GABRG3: variants seen among roughly 807,000 people sequenced by gnomAD.
GABRG3 encodes gamma-aminobutyric acid receptor subunit gamma-3.
In GABRG3, 25 loss-of-function variants were observed where a neutral mutation model predicts 48.8. The ratio of observed to expected loss-of-function variants is 0.51; its 90% CI spans 0.37 to 0.72. The LOEUF is 0.72. Among genes scored for constraint, GABRG3 ranks in the 30% least tolerant of loss-of-function variants. The probability of loss-of-function intolerance (pLI) is 0.00; values close to 1 mark genes in which losing one functional copy is unlikely to be tolerated. For missense variants in GABRG3, 394 were observed against 577.9 expected, an observed-to-expected ratio of 0.68 and a Z score of 3.26; for synonymous variants, 227 against 217.6, an observed-to-expected ratio of 1.04 and a Z score of -0.38.
At position 27,384,583 on chromosome 15, in the gene GABRG3, A is replaced by G. The variant is rs78389170; in HGVS notation, c.574+55695A>G. 6.1e-3 allele frequency among the ~76,000 whole-genome samples: 928 copies of G among 152,326 alleles called. 17 individuals carry two copies. The highest frequency in any genetic ancestry group is 0.021 in the African/African-American group (862 of 41,578). On this transcript the variant is annotated intron_variant, in intron 5 of 9. Coordinates refer to ENST00000615808, the MANE Select transcript of GABRG3 (RefSeq NM_033223.5). ...AATTCATGTTCTAGATAAATTATGAATATTAGAGAATCATGAAATTGCCCT... is the reference window on the plus strand; with the variant it reads ...AATTCATGTTCTAGATAAATTATGAGTATTAGAGAATCATGAAATTGCCCT...
intron 5 of GABRG3, among the ~76,000 whole-genome samples, chr15:27,419,372 C>T (rs562768890): frequency 6.6e-6 from 1 of 152,186 alleles, no homozygotes; most frequent in East Asian, 1.9e-4. Flanking sequence ...GTTCTGTCCC[C>T]TGTTCCTTTT....
At chr15:27,265,226 C>A (rs1048767142) in intron 3 of GABRG3, among the ~76,000 whole-genome samples, 1 of 152,124 alleles carries the variant, frequency 6.6e-6, no homozygotes, top group Admixed American at 6.5e-5. Flanking sequence ...TCTATTACTA[C>A]CTCTACCTCC....
At chr15:27,253,685 G>T (rs17563374) in intron 3 of GABRG3, among the ~76,000 whole-genome samples, 9 of 152,312 alleles carry the variant, frequency 5.9e-5, no homozygotes, top group African/African-American at 2.2e-4. Context: ...TTCCCATTCC[G>T]CAGGAGCTTC....
intron 3 of GABRG3, among the ~76,000 whole-genome samples, chr15:27,249,294 G>A (rs1890378861): frequency 6.6e-6 from 1 of 152,128 alleles, no homozygotes; most frequent in Non-Finnish European, 1.5e-5. Flanking sequence ...GAAACCGCGG[G>A]GCTGGGCACA....
chr15:27,078,458 A>G (rs1566928916), intron 3 of GABRG3, among the ~76,000 whole-genome samples: 1 of 152,212 alleles, frequency 6.6e-6, no homozygotes, highest in Non-Finnish European at 1.5e-5. Flanking sequence ...TCTATATGCT[A>G]TGGAAAAATT....
chr15:27,253,563 A>C (rs1890526071), intron 3 of GABRG3, among the ~76,000 whole-genome samples: 1 of 152,204 alleles, frequency 6.6e-6, no homozygotes, highest in Non-Finnish European at 1.5e-5. Flanking sequence ...GTAAGTTATG[A>C]AATGCATTTT....
chr15:27,289,432 C>T (rs982876452), intron 3 of GABRG3, among the ~76,000 whole-genome samples: 1 of 151,990 alleles, frequency 6.6e-6, no homozygotes, highest in Non-Finnish European at 1.5e-5. Flanking sequence ...TGTTAAGTTG[C>T]CCTATAATGA....
chr15:27,065,197 GATGAATGA>G lies in GABRG3; in HGVS notation c.270+38391_270+38398del, dbSNP rs750116352. Among the ~76,000 whole-genome samples the G allele has an allele frequency of 2.6e-5, 4 of 152,270 alleles. No individual in the cohort carries two copies. The East Asian group carries it at 7.7e-4, about 29-fold the overall frequency. ...TACTTTTTACTCACCATAACGAGTG[GATGAATGA>G]ATGAATGAATGAATACTAAGTGAAC... On this transcript the variant is annotated intron_variant, in intron 3 of 9. Coordinates refer to ENST00000615808, the MANE Select transcript of GABRG3 (RefSeq NM_033223.5).
intron 6 of GABRG3, among the ~76,000 whole-genome samples, chr15:27,500,712 C>T (rs1428643026): frequency 6.6e-6 from 1 of 152,030 alleles, no homozygotes; most frequent in African/African-American, 2.4e-5. Context: ...GGATACATTC[C>T]CCTGTTGTAT....
intron 3 of GABRG3, among the ~76,000 whole-genome samples, chr15:27,115,347 T>C (rs1170312875): frequency 6.6e-6 from 1 of 152,192 alleles, no homozygotes; most frequent in Non-Finnish European, 1.5e-5. Context: ...ACCTCTGCTC[T>C]GAGATCACGA....
intron 3 of GABRG3, among the ~76,000 whole-genome samples, chr15:27,098,563 C>T (rs902173854): frequency 3.3e-5 from 5 of 151,936 alleles, no homozygotes; most frequent in East Asian, 3.9e-4. Flanking sequence ...ATATTTTGTT[C>T]GTTTTTAAAT....
chr15:27,223,038 G>T (rs1307956640), intron 3 of GABRG3, among the ~76,000 whole-genome samples: 1 of 152,148 alleles, frequency 6.6e-6, no homozygotes, highest in Non-Finnish European at 1.5e-5. Flanking sequence ...GATAGATATG[G>T]TATAATCCAA....
intron 3 of GABRG3, among the ~76,000 whole-genome samples, chr15:27,184,031 A>G (rs138000580): frequency 2.0e-5 from 3 of 152,226 alleles, no homozygotes; most frequent in African/African-American, 7.2e-5. Flanking sequence ...TGTATTTCAT[A>G]TACACATGGG....
intron 3 of GABRG3, among the ~76,000 whole-genome samples, chr15:27,316,817 T>C (rs2140511644): frequency 6.6e-6 from 1 of 152,278 alleles, no homozygotes; most frequent in East Asian, 1.9e-4. Context: ...AAGTGGTGGA[T>C]TTTGGTGTGG....
intron 5 of GABRG3, among the ~76,000 whole-genome samples, chr15:27,373,704 T>C (rs62001344): frequency 0.08 from 12,125 of 152,290 alleles, 565 homozygotes; most frequent in Non-Finnish European, 0.097. Flanking sequence ...GGCGCTTACT[T>C]TGCTGTTTGT....
chr15:27,023,405 T>C (rs1566911917), intron 2 of GABRG3, among the ~76,000 whole-genome samples: 1 of 152,108 alleles, frequency 6.6e-6, no homozygotes, highest in Non-Finnish European at 1.5e-5. Context: ...ACCACCACCA[T>C]CCATCTCCAG....
intron 2 of GABRG3, among the ~76,000 whole-genome samples, chr15:27,018,813 G>C (rs1300574506): frequency 6.6e-6 from 1 of 152,062 alleles, no homozygotes; most frequent in East Asian, 1.9e-4. Context: ...GACCAAGTTT[G>C]CTTATCCCAT....
intron 3 of GABRG3, among the ~76,000 whole-genome samples, chr15:27,161,894 C>T (rs1209060272): frequency 6.6e-6 from 1 of 152,116 alleles, no homozygotes; most frequent in Non-Finnish European, 1.5e-5. Context: ...AAACCTAATG[C>T]AGCTGCCATT....
Position 27,159,713 on chromosome 15 carries a change from T to C in GABRG3, c.270+132892T>C, listed in dbSNP as rs375787568. Among the ~76,000 whole-genome samples, 7 of 152,264 alleles carry C rather than the reference T, an allele frequency of 4.6e-5. No homozygotes were observed. In the East Asian group the frequency reaches 9.7e-4, roughly 21 times the overall value. On this transcript the variant is annotated intron_variant, in intron 3 of 9. Transcript: ENST00000615808. Reference sequence around the variant, plus strand: ...CCCCGCTCACCTTCCAAAACAATCATGAACCAAGATTTGGTCAGATACACA... The same window carrying C: ...CCCCGCTCACCTTCCAAAACAATCACGAACCAAGATTTGGTCAGATACACA...
Sources: allele counts gnomAD v4.1 joint callset (sites outside exome capture counted in the v4.1 genomes callset), GRCh38; gene constraint gnomAD v4.1.1; transcripts MANE v1.5; gene names NCBI Gene and HGNC (gene_info 2026-07-23, HGNC 2026-07-21).